Variants in WDR70 observed in about 807,000 individuals in gnomAD.
WDR70 encodes the protein WD repeat domain 70, also known as WD repeat-containing protein 70.
WDR70 carries 53 observed loss-of-function variants against 88.6 expected under a neutral mutation model. The ratio of observed to expected loss-of-function variants is 0.60; its 90% CI spans 0.48 to 0.75. WDR70 has a LOEUF of 0.75. Ranked by LOEUF, WDR70 falls within the 30% of genes least tolerant of loss-of-function variation. The pLI, the probability that WDR70 is intolerant of heterozygous loss-of-function variation, is 0.00. For synonymous variants in WDR70, 280 were observed against 270.0 expected (o/e 1.04, Z -0.36); for missense variants, 610 against 823.2 (o/e 0.74, Z 3.17).
chr5:37,516,484 C>T (rs1740887212), intron 8 of WDR70, 30 bp from the exon 9 acceptor site: 1 of 1,434,486 alleles, frequency 7.0e-7, no homozygotes, highest in East Asian at 2.3e-5. Flanking sequence ...TTTAAAACAT[C>T]TTTTTTTCCC....
intron 9 of WDR70, among the ~76,000 whole-genome samples, chr5:37,591,154 G>T (rs1039518049): frequency 1.3e-5 from 2 of 152,060 alleles, no homozygotes; most frequent in Non-Finnish European, 2.9e-5. Flanking sequence ...CCAATATGGT[G>T]AAACCCTATC....
chr5:37,630,387 C>T (rs1744779669), intron 10 of WDR70, among the ~76,000 whole-genome samples: 2 of 152,102 alleles, frequency 1.3e-5, no homozygotes. Flanking sequence ...TTTCTCAGAC[C>T]CTTGTTGAGG....
Position 37,473,485 on chromosome 5 carries a change from GGT to G in WDR70, c.687-6343_687-6342del, listed in dbSNP as rs540754226. 4.9e-4 allele frequency among the ~76,000 whole-genome samples: 74 copies of G among 151,856 alleles called. 1 individual carries two copies. In the South Asian group the frequency reaches 0.015, roughly 31 times the overall value. On this transcript the variant is annotated intron_variant, in intron 7 of 17. Coordinates refer to ENST00000265107, the MANE Select transcript of WDR70 (RefSeq NM_018034.4). ...CAGCCTCCTGAGTAGCTGGATTACA[GGT>G]GTGTGCCATCACGCTCAGCTAATTT...
intron 5 of WDR70, among the ~76,000 whole-genome samples, chr5:37,414,871 G>A (rs1473495049): frequency 1.3e-5 from 2 of 149,824 alleles, no homozygotes; most frequent in African/African-American, 5.0e-5. Flanking sequence ...TGGAGGGAAG[G>A]TCAGCAGATA....
At chr5:37,750,165 T>C (rs1748763881) in intron 17 of WDR70, among the ~76,000 whole-genome samples, 1 of 152,166 alleles carries the variant, frequency 6.6e-6, no homozygotes, top group Non-Finnish European at 1.5e-5. Flanking sequence ...TGTTATGTAG[T>C]TTTGTTGATT....
intron 9 of WDR70, among the ~76,000 whole-genome samples, chr5:37,602,224 A>G (rs1743906744): frequency 6.6e-6 from 1 of 151,704 alleles, no homozygotes. Context: ...ATATATATAT[A>G]AAAAGAAATT....
intron 9 of WDR70, among the ~76,000 whole-genome samples, chr5:37,518,932 T>C (rs997576855): frequency 7.9e-5 from 12 of 152,150 alleles, no homozygotes; most frequent in Admixed American, 6.5e-5. Context: ...TAACAAAGCA[T>C]ATCTTGCACC....
At chr5:37,672,651 C>A (rs556339988) in intron 10 of WDR70, among the ~76,000 whole-genome samples, 1 of 152,148 alleles carries the variant, frequency 6.6e-6, no homozygotes, top group South Asian at 2.1e-4. Flanking sequence ...ACCTTCTCCC[C>A]ACTCTTAGCC....
chr5:37,627,366 C>G (rs568139738), intron 10 of WDR70, among the ~76,000 whole-genome samples: 36 of 152,138 alleles, frequency 2.4e-4, no homozygotes, highest in Admixed American at 4.6e-4. Flanking sequence ...ACCTTGGCCT[C>G]CCAAAATGCT....
At chr5:37,682,165 A>T (rs999158875) in intron 10 of WDR70, among the ~76,000 whole-genome samples, 10 of 151,914 alleles carry the variant, frequency 6.6e-5, no homozygotes, top group Non-Finnish European at 1.5e-4. Context: ...GGTAGGTTGT[A>T]TGTGTCCAGG....
chr5:37,525,019 C>A lies in WDR70; in HGVS notation c.917+8429C>A, dbSNP rs552144475. On this transcript the variant is annotated intron_variant, in intron 9 of 17. Coordinates refer to ENST00000265107, the MANE Select transcript of WDR70 (RefSeq NM_018034.4). The stretch of plus-strand genomic sequence containing the variant: ...CTACAAAGAGACTTAGACTCCTGCA[C>A]AATAATAATGGGAGACTTTAACACC... 4.6e-5 allele frequency among the ~76,000 whole-genome samples: 7 copies of A among 152,206 alleles called. No individual in the cohort carries two copies. In the East Asian group the frequency reaches 1.2e-3, roughly 25 times the overall value.
chr5:37,436,856 A>T (rs1222500679), intron 5 of WDR70, among the ~76,000 whole-genome samples: 2 of 152,158 alleles, frequency 1.3e-5, no homozygotes, highest in Non-Finnish European at 2.9e-5. Flanking sequence ...GATTGAAGAT[A>T]GAAAAAGCTG....
intron 9 of WDR70, among the ~76,000 whole-genome samples, chr5:37,559,420 T>G (rs1485846586): frequency 6.6e-6 from 1 of 152,200 alleles, no homozygotes; most frequent in Non-Finnish European, 1.5e-5. Context: ...GCTTTTTCCT[T>G]TACCCATTCT....
intron 9 of WDR70, among the ~76,000 whole-genome samples, chr5:37,520,148 A>T (rs1247772769): frequency 3.3e-5 from 5 of 152,194 alleles, no homozygotes; most frequent in Admixed American, 3.3e-4. Context: ...ATTTAGGTGA[A>T]TCATTAGTTA....
intron 10 of WDR70, among the ~76,000 whole-genome samples, chr5:37,616,045 TCA>T (rs1744330791): frequency 1.3e-5 from 2 of 152,346 alleles, no homozygotes; most frequent in South Asian, 4.1e-4. Flanking sequence ...TCAGATTTTC[TCA>T]GACTGACACT....
intron 10 of WDR70, among the ~76,000 whole-genome samples, chr5:37,681,742 A>C (rs1426832504): frequency 2.6e-5 from 4 of 152,118 alleles, no homozygotes; most frequent in African/African-American, 9.7e-5. Context: ...ATTGATTTGC[A>C]TTTGGTAAAT....
intron 5 of WDR70, among the ~76,000 whole-genome samples, chr5:37,429,349 A>T (rs1750232898): frequency 6.6e-6 from 1 of 152,116 alleles, no homozygotes; most frequent in Non-Finnish European, 1.5e-5. Flanking sequence ...TAGAAATTTT[A>T]AATTTTGATA....
At chr5:37,555,846 G>A (rs1291764344) in intron 9 of WDR70, among the ~76,000 whole-genome samples, 1 of 152,122 alleles carries the variant, frequency 6.6e-6, no homozygotes, top group East Asian at 1.9e-4. Context: ...AGCGTCCCGA[G>A]TAGCTGGGAC....
At position 37,539,731 on chromosome 5, in the gene WDR70, C is replaced by T. The variant is rs1741761070; in HGVS notation, c.917+23141C>T. On this transcript the variant is annotated intron_variant, in intron 9 of 17. Coordinates refer to ENST00000265107, the MANE Select transcript of WDR70 (RefSeq NM_018034.4). ...TTGTTTGAGGCGTCTTACCATTCTA[C>T]TTTGTATGCCTTTGGCGAGTCTGCC... Among the ~76,000 whole-genome samples, 3 of 152,220 alleles carry T rather than the reference C, an allele frequency of 2.0e-5. No individual in the cohort carries two copies. In the South Asian group the frequency reaches 6.2e-4, roughly 32 times the overall value.
Sources: gnomAD v4.1 joint callset for allele counts (sites outside exome capture counted in the v4.1 genomes callset) on GRCh38, gnomAD v4.1.1 for gene constraint, MANE v1.5 for transcripts, NCBI Gene and HGNC (gene_info 2026-07-23, HGNC 2026-07-21) for gene names.